Variants in HNMT observed in about 807,000 individuals in gnomAD.
The protein encoded by HNMT is histamine N-methyltransferase.
A neutral mutation model predicts 32.1 loss-of-function variants in HNMT; 30 were observed. The observed-to-expected ratio is 0.93, with a 90% CI of 0.70 to 1.27. The LOEUF (loss-of-function observed/expected upper bound fraction) is 1.27, where lower values mean the gene tolerates loss of function less well. Ranked by LOEUF, HNMT falls within the 50% of genes most tolerant of loss-of-function variation. The probability of loss-of-function intolerance (pLI) is 0.00; values close to 1 mark genes in which losing one functional copy is unlikely to be tolerated. For missense variants in HNMT, 327 were observed against 346.0 expected (o/e 0.95, Z 0.43); for synonymous variants, 125 against 119.0 (o/e 1.05, Z -0.33).
At chr2:137,995,839 C>T (rs983075265) in intron 2 of HNMT, among the ~76,000 whole-genome samples, 8 of 152,102 alleles carry the variant, frequency 5.3e-5, no homozygotes, top group African/African-American at 1.7e-4. Context: ...TCAGCTTCAT[C>T]CCTGGGATGC....
intron 2 of HNMT, among the ~76,000 whole-genome samples, chr2:137,997,540 C>A (rs1344836038): frequency 1.3e-5 from 2 of 152,052 alleles, no homozygotes; most frequent in Non-Finnish European, 2.9e-5. Context: ...CTGGCAAAGC[C>A]GTGGAGAGAT....
At chr2:137,998,089 T>A (rs1398003374) in intron 2 of HNMT, among the ~76,000 whole-genome samples, 4 of 152,036 alleles carry the variant, frequency 2.6e-5, no homozygotes, top group African/African-American at 9.7e-5. Context: ...GGTGCATGTA[T>A]ACCTATGTAA....
intron 1 of HNMT, among the ~76,000 whole-genome samples, chr2:137,966,688 A>G (rs1679968167): frequency 6.6e-6 from 1 of 152,122 alleles, no homozygotes; most frequent in Non-Finnish European, 1.5e-5. Flanking sequence ...AGATATATTA[A>G]TCTCCTCTCA....
intron 2 of HNMT, among the ~76,000 whole-genome samples, chr2:137,978,350 T>G (rs868016238): frequency 1.4e-5 from 2 of 146,502 alleles, no homozygotes; most frequent in Admixed American, 1.4e-4. Flanking sequence ...TATATGATTA[T>G]ATAATATAGT....
chr2:138,002,083 G>C lies in HNMT; in HGVS notation c.318G>C (p.Ser106=). Residue 106 remains serine, a synonymous_variant, in exon 4 of 6, where the codon TCG becomes TCC. Coordinates refer to ENST00000280097, the MANE Select transcript of HNMT (RefSeq NM_006895.3). ...AKYKELVAKT[S]NLENVKFAWH... is the part of the protein sequence containing the mutation. Reference sequence around the variant, plus strand: ...TTTTAGAGCTTGTAGCCAAGACATCGAACCTCGAGAACGTAAAGTTTGCTT... The same window carrying C: ...TTTTAGAGCTTGTAGCCAAGACATCCAACCTCGAGAACGTAAAGTTTGCTT... The C allele has an allele frequency of 6.3e-7, 1 of 1,588,190 alleles. No individual in the cohort carries two copies.
intron 2 of HNMT, among the ~76,000 whole-genome samples, chr2:137,984,253 AG>A (rs1374954381): frequency 4.6e-5 from 7 of 152,176 alleles, no homozygotes; most frequent in Non-Finnish European, 7.4e-5. Context: ...CCTGGGTCGT[AG>A]GTTATGCATA....
At chr2:138,002,807 A>G (rs1681215071) in intron 4 of HNMT, 1 of 967,208 alleles carries the variant, frequency 1.0e-6, no homozygotes, top group African/African-American at 1.8e-5. Flanking sequence ...TAGCATCATA[A>G]CATATTCTCT....
Position 137,970,231 on chromosome 2 carries a change from AT to A in HNMT, c.190+19del, listed in dbSNP as rs775342016. 2.3e-5 allele frequency: 33 copies of A among 1,435,044 alleles called. No individual in the cohort carries two copies. The highest frequency in any genetic ancestry group is 3.1e-5 in the Non-Finnish European group (32 of 1,041,148). The allele number at this position is 1,435,044 out of a possible 1,614,324, so 88.9% of individuals were successfully genotyped here. A position where few individuals can be genotyped will look rare whatever the true frequency, so the allele number is the denominator to read the frequency against. ...GCGGAGGTGCAGGTATGAGTAATAT[AT>A]TTTTAAAGTTCATATTTCACTTTAA... On this transcript the variant is annotated intron_variant, in intron 2 of 5. Coordinates refer to ENST00000280097, the MANE Select transcript of HNMT (RefSeq NM_006895.3).
At chr2:137,983,165 A>C (rs1039839989) in intron 2 of HNMT, among the ~76,000 whole-genome samples, 2 of 152,184 alleles carry the variant, frequency 1.3e-5, no homozygotes, top group Non-Finnish European at 2.9e-5. Context: ...TAAGTGACCC[A>C]AAACCAGGAA....
intron 2 of HNMT, among the ~76,000 whole-genome samples, chr2:137,999,824 G>A (rs1158894633): frequency 6.6e-6 from 1 of 151,796 alleles, no homozygotes. Flanking sequence ...TTTATTCACT[G>A]CCAACTTTAT....
At chr2:138,002,037 G>T in intron 3 of HNMT, 27 bp from the exon 4 acceptor site, 3 of 1,483,076 alleles carry the variant, frequency 2.0e-6, no homozygotes, top group Non-Finnish European at 2.7e-6. Flanking sequence ...AAAATTGATG[G>T]TGTGTCACCT....
chr2:137,999,317 C>T (rs1681090678), intron 2 of HNMT, among the ~76,000 whole-genome samples: 1 of 152,134 alleles, frequency 6.6e-6, no homozygotes, highest in Non-Finnish European at 1.5e-5. Context: ...TGAAGAAATA[C>T]ATGATTTCAA....
At chr2:137,999,098 A>G (rs774613772) in intron 2 of HNMT, among the ~76,000 whole-genome samples, 30 of 152,184 alleles carry the variant, frequency 2.0e-4, no homozygotes, top group Non-Finnish European at 3.2e-4. Context: ...AAGAATAAAC[A>G]TTGTAGATTT....
chr2:138,000,002 C>T (rs986094118), intron 2 of HNMT, among the ~76,000 whole-genome samples: 1 of 151,962 alleles, frequency 6.6e-6, no homozygotes, highest in East Asian at 1.9e-4. Context: ...AGGTTTAAAA[C>T]TCAAGTCCAT....
rs1681643507 is a variant in HNMT at position 138,015,762 on chromosome 2, G to A, written c.*1632G>A. 6.6e-6 allele frequency: 1 copy of A among 152,106 alleles called. No homozygotes were observed. The highest frequency in any genetic ancestry group is 2.4e-5 in the African/African-American group (1 of 41,442). 9.4% of individuals were successfully genotyped at this position (152,106 alleles called of 1,614,324 possible). A position where few individuals can be genotyped will look rare whatever the true frequency, so the allele number is the denominator to read the frequency against. On this transcript the variant is annotated 3_prime_UTR_variant, in exon 6 of 6. Transcript: ENST00000280097. Reference sequence around the variant, plus strand: ...CCTTGAAGAGCTTCACCAGAAGTATGGAAATCAAGACTTTACAGAGTCTTT... The same window carrying A: ...CCTTGAAGAGCTTCACCAGAAGTATAGAAATCAAGACTTTACAGAGTCTTT...
At chr2:137,978,901 T>A (rs1680389553) in intron 2 of HNMT, among the ~76,000 whole-genome samples, 1 of 139,894 alleles carries the variant, frequency 7.1e-6, no homozygotes, top group South Asian at 2.3e-4. Flanking sequence ...TAAAGTATAC[T>A]CCATATTACA....
chr2:137,968,003 G>A (rs1573639113), intron 1 of HNMT, among the ~76,000 whole-genome samples: 2 of 152,102 alleles, frequency 1.3e-5, no homozygotes, highest in African/African-American at 2.4e-5. Flanking sequence ...GTAAGTCAGG[G>A]CAGGGTTTGT....
At chr2:138,005,023 G>T in intron 4 of HNMT, 109 bp from the exon 5 acceptor site, 1 of 609,364 alleles carries the variant, frequency 1.6e-6, no homozygotes, top group Non-Finnish European at 3.0e-6. Context: ...TGTTTTCTTG[G>T]GTAAAAATTC....
At chr2:138,012,272 T>A (rs1265545041) in intron 5 of HNMT, among the ~76,000 whole-genome samples, 1 of 152,144 alleles carries the variant, frequency 6.6e-6, no homozygotes, top group Non-Finnish European at 1.5e-5. Context: ...GAAATTTAAG[T>A]TCTGAGAGGC....
Sources: allele counts gnomAD v4.1 joint callset (sites outside exome capture counted in the v4.1 genomes callset), GRCh38; gene constraint gnomAD v4.1.1; transcripts MANE v1.5; gene names NCBI Gene and HGNC (gene_info 2026-07-23, HGNC 2026-07-21).